Variants in ZNF85 observed in about 807,000 individuals in gnomAD.
The protein encoded by ZNF85 is zinc finger protein 85, also known as zinc finger protein 85 (HPF4, HTF1).
In ZNF85, 50 loss-of-function variants were observed where a neutral mutation model predicts 53.9. That is an observed-to-expected ratio of 0.93 (90% CI 0.74 to 1.17). The LOEUF (loss-of-function observed/expected upper bound fraction) is 1.17. Among genes scored for constraint, ZNF85 ranks in the 50% most tolerant of loss-of-function variants. The pLI, the probability that ZNF85 is intolerant of heterozygous loss-of-function variation, is 0.00. For missense variants in ZNF85, 747 were observed against 688.5 expected, an observed-to-expected ratio of 1.08 and a Z score of -0.95; for synonymous variants, 225 against 226.1, an observed-to-expected ratio of 1.00 and a Z score of 0.04.
At chr19:20,935,854 C>T (rs1433851081) in intron 3 of ZNF85, among the ~76,000 whole-genome samples, 3 of 151,958 alleles carry the variant, frequency 2.0e-5, no homozygotes, top group Non-Finnish European at 4.4e-5. Context: ...CTGGCCACCA[C>T]TAGAATTTTG....
In ZNF85 at chr19:20,949,334, A is replaced by G. The variant is rs748767709; in HGVS notation, c.820A>G (p.Thr274Ala). ...GKTFNRFSTL[T>A]THKIIHTGEK... ...AACTTTTAACCGATTCTCAACTCTT[A>G]CTACCCATAAGATAATTCATACTGG... Residue 274 changes from threonine to alanine, a missense_variant, in exon 4 of 4, where the codon ACT (threonine) becomes GCT (alanine). Coordinates refer to ENST00000328178, the MANE Select transcript of ZNF85 (RefSeq NM_003429.5). 17 of 1,609,108 alleles carry G rather than the reference A, an allele frequency of 1.1e-5. No homozygotes were observed. The South Asian group carries it at 1.7e-4, about 16-fold the overall frequency.
chr19:20,928,220 G>A (rs947561400), intron 1 of ZNF85: 2 of 152,186 alleles, frequency 1.3e-5, no homozygotes, highest in African/African-American at 4.8e-5. Context: ...ACTGAACCCT[G>A]AATCGGGGTC....
chr19:20,929,620 AT>A (rs1427173128), intron 1 of ZNF85, among the ~76,000 whole-genome samples: 1 of 152,212 alleles, frequency 6.6e-6, no homozygotes. Flanking sequence ...GCTTAAAAAG[AT>A]TAAGATTACA....
At chr19:20,940,542 A>AC (rs199767057) in intron 3 of ZNF85, among the ~76,000 whole-genome samples, 1 of 152,128 alleles carries the variant, frequency 6.6e-6, no homozygotes, top group African/African-American at 2.4e-5. Context: ...GTCTCCAAAA[A>AC]AAAAATAGCT....
intron 1 of ZNF85, among the ~76,000 whole-genome samples, chr19:20,926,518 A>G (rs1369610241): frequency 6.6e-6 from 1 of 152,114 alleles, no homozygotes; most frequent in East Asian, 1.9e-4. Context: ...AACCAAGGGA[A>G]TAAATCTGAC....
chr19:20,946,233 T>A (rs55721150), intron 3 of ZNF85: 41,308 of 347,326 alleles, frequency 0.12, 2,662 homozygotes, highest in Non-Finnish European at 0.13. Context: ...CATTTTTATC[T>A]TAAAGAGTAA....
rs1398708351 is a variant in ZNF85, at chr19:20,923,284, T to A, written c.-117T>A. On this transcript the variant is annotated 5_prime_UTR_variant, in exon 1 of 4. Transcript: ENST00000328178. ...CTCTCGCTGCAGCCTGAGCTCTAGGTCTTGTTTTCCCTGCTTTGTGTTTTC... is the reference window on the plus strand; with the variant it reads ...CTCTCGCTGCAGCCTGAGCTCTAGGACTTGTTTTCCCTGCTTTGTGTTTTC... 1.3e-6 allele frequency: 2 copies of A among 1,526,866 alleles called. No individual in the cohort carries two copies. The highest frequency in any genetic ancestry group is 1.8e-6 in the Non-Finnish European group (2 of 1,107,082). 94.6% of individuals were successfully genotyped at this position (1,526,866 alleles called of 1,614,324 possible). A position where few individuals can be genotyped will look rare whatever the true frequency, so the allele number is the denominator to read the frequency against.
intron 3 of ZNF85, among the ~76,000 whole-genome samples, chr19:20,941,529 C>T (rs550171590): frequency 2.0e-5 from 3 of 151,866 alleles, no homozygotes; most frequent in Admixed American, 6.6e-5. Flanking sequence ...TCTCAAAGTG[C>T]TGGGATTACA....
At chr19:20,938,334 G>A (rs1280567427) in intron 3 of ZNF85, among the ~76,000 whole-genome samples, 2 of 152,104 alleles carry the variant, frequency 1.3e-5, no homozygotes, top group Non-Finnish European at 2.9e-5. Flanking sequence ...CCAAAGTGCT[G>A]GAATTACAGG....
intron 1 of ZNF85, chr19:20,927,357 GC>G (rs1288173994): frequency 6.6e-6 from 1 of 152,026 alleles, no homozygotes; most frequent in Admixed American, 6.6e-5. Flanking sequence ...GGAGGCGGAG[GC>G]AGGAGAATCC....
intron 3 of ZNF85, among the ~76,000 whole-genome samples, chr19:20,936,156 T>C (rs1390127823): frequency 6.6e-6 from 1 of 152,244 alleles, no homozygotes; most frequent in Non-Finnish European, 1.5e-5. Flanking sequence ...TTTTATACTT[T>C]GCTAATTTAC....
intron 1 of ZNF85, among the ~76,000 whole-genome samples, chr19:20,930,563 TATG>T (rs150955207): frequency 0.1 from 15,532 of 152,258 alleles, 869 homozygotes; most frequent in Non-Finnish European, 0.13. Context: ...TTCAGGGTGT[TATG>T]ATGATGAAAT....
At chr19:20,927,029 C>G (rs1972896308) in intron 1 of ZNF85, 1 of 151,890 alleles carries the variant, frequency 6.6e-6, no homozygotes, top group Non-Finnish European at 1.5e-5. Context: ...GATTTTAGAT[C>G]AGATAATGTT....
chr19:20,941,630 G>C (rs139537572), intron 3 of ZNF85, among the ~76,000 whole-genome samples: 2 of 145,638 alleles, frequency 1.4e-5, no homozygotes, highest in Non-Finnish European at 3.0e-5. Context: ...TCAATTATTT[G>C]TTCATTTCTA....
chr19:20,923,727 G>C lies in ZNF85; in HGVS notation c.3+324G>C, dbSNP rs145925135. 6.0e-3 allele frequency among the ~76,000 whole-genome samples: 917 copies of C among 152,238 alleles called. 11 individuals carry two copies. The highest frequency in any genetic ancestry group is 0.022 in the African/African-American group (894 of 41,546). ...TGTCAGGGGAGAATCCTGACTCGGGGTGCGGGTTCATGAAAGAGCTTTGGG... is the reference window on the plus strand; with the variant it reads ...TGTCAGGGGAGAATCCTGACTCGGGCTGCGGGTTCATGAAAGAGCTTTGGG... On this transcript the variant is annotated intron_variant, in intron 1 of 3. Transcript: ENST00000328178.
At chr19:20,926,126 T>C (rs1972874671) in intron 1 of ZNF85, among the ~76,000 whole-genome samples, 1 of 152,192 alleles carries the variant, frequency 6.6e-6, no homozygotes, top group African/African-American at 2.4e-5. Flanking sequence ...TCTTCCATTT[T>C]GGCTGTAGAA....
Position 20,950,040 on chromosome 19 carries a change from C to T in ZNF85, c.1526C>T (p.Pro509Leu). 1 of 1,612,788 alleles carries T rather than the reference C, an allele frequency of 6.2e-7. No individual in the cohort carries two copies. Among genetic ancestry groups the T allele is most frequent in the Non-Finnish European group, 8.5e-7 (1 of 1,179,664 alleles). The change falls in exon 4 of 4, where the codon CCA (proline) becomes CTA (leucine). Residue 509 changes from proline to leucine, a missense_variant. Transcript: ENST00000328178. ...AAGATAATTCATACTGGAGAGAAAC[C>T]ATACAAATGTGAAGAATGTGGCAAA... ...IHKIIHTGEK[P>L]YKCEECGKAF... is the part of the protein sequence containing the mutation.
intron 1 of ZNF85, among the ~76,000 whole-genome samples, chr19:20,925,919 G>A (rs893015440): frequency 6.6e-6 from 1 of 152,192 alleles, no homozygotes; most frequent in Admixed American, 6.5e-5. Flanking sequence ...TTTGCACAGG[G>A]TGTAAAAGAA....
At chr19:20,947,028 CTTTG>C (rs1973438569) in intron 3 of ZNF85, among the ~76,000 whole-genome samples, 1 of 151,266 alleles carries the variant, frequency 6.6e-6, no homozygotes, top group Non-Finnish European at 1.5e-5. Flanking sequence ...CTCTCTCTTT[CTTTG>C]TGTCATTTTT....
Sources: gnomAD v4.1 joint callset for allele counts (sites outside exome capture counted in the v4.1 genomes callset) on GRCh38, gnomAD v4.1.1 for gene constraint, MANE v1.5 for transcripts, NCBI Gene and HGNC (gene_info 2026-07-23, HGNC 2026-07-21) for gene names.